The following SECTM1 variants were observed in gnomAD, a reference collection of about 807,000 sequenced individuals.
SECTM1 encodes secreted and transmembrane 1.
A neutral mutation model predicts 18.1 loss-of-function variants in SECTM1; 10 were observed. That is an observed-to-expected ratio of 0.55 (90% CI 0.34 to 0.94). SECTM1 has a LOEUF of 0.94. SECTM1 is among the 40% of genes least tolerant of loss of function. The probability of loss-of-function intolerance (pLI) is 0.02; values close to 1 mark genes in which losing one functional copy is unlikely to be tolerated. For missense variants in SECTM1, 297 were observed against 322.6 expected, an observed-to-expected ratio of 0.92 and a Z score of 0.61; for synonymous variants, 137 against 139.2, an observed-to-expected ratio of 0.98 and a Z score of 0.11.
chr17:82,324,214 C>A (rs534895833), intron 3 of SECTM1, among the ~76,000 whole-genome samples: 5 of 152,156 alleles, frequency 3.3e-5, no homozygotes, highest in Non-Finnish European at 7.4e-5. Flanking sequence ...GCCTGGGCTT[C>A]CTGGCTGCAG....
At chr17:82,333,141 T>A (rs563071956) in intron 1 of SECTM1, among the ~76,000 whole-genome samples, 22 of 152,296 alleles carry the variant, frequency 1.4e-4, no homozygotes, top group Admixed American at 9.1e-4. Context: ...TGTGCAACAG[T>A]CCACGCGTGC....
rs1286701011 is a variant in SECTM1, at chr17:82,324,664, G to T, written c.321C>A (p.Ala107=). 1 of 1,613,982 alleles carries T rather than the reference G, an allele frequency of 6.2e-7. No individual in the cohort carries two copies. Among genetic ancestry groups the T allele is most frequent in the South Asian group, 1.1e-5 (1 of 91,066 alleles). Residue 107 remains alanine, a synonymous_variant, in exon 3 of 5, where the codon GCC becomes GCA. Coordinates refer to ENST00000269389, the MANE Select transcript of SECTM1 (RefSeq NM_003004.3). ...TGTACAGCCCAGCATGGGAGTCCCG[G>T]GCGCCTTTGATCACCAGCTGTGCCA... is the stretch of plus-strand genomic sequence containing the variant. ...GGVAQLVIKG[A]RDSHAGLYMW...
At position 82,328,761 on chromosome 17, in the gene SECTM1, C is replaced by T. The variant is rs946830693; in HGVS notation, c.-52-1469G>A. On this transcript the variant is annotated intron_variant, in intron 1 of 4. Coordinates refer to ENST00000269389, the MANE Select transcript of SECTM1 (RefSeq NM_003004.3). This position sits in a 1 kb window ranked among gnomAD's most constrained non-coding sequence, Gnocchi z 5.8. ...GCCCTGGCAGGACACGCCTTTCAGC[C>T]GAGAGAACTCCACCTTCGAAGGCGG... is the stretch of plus-strand genomic sequence containing the variant. 2.0e-5 allele frequency among the ~76,000 whole-genome samples: 3 copies of T among 152,150 alleles called. No homozygotes were observed. The highest frequency in any genetic ancestry group is 4.8e-5 in the African/African-American group (2 of 41,420).
rs2052180541 is a variant in SECTM1 at position 82,330,197 on chromosome 17, G to A, written c.-52-2905C>T. On this transcript the variant is annotated intron_variant, in intron 1 of 4. Coordinates refer to ENST00000269389, the MANE Select transcript of SECTM1 (RefSeq NM_003004.3). The surrounding 1 kb of genome is among the most constrained non-coding windows in gnomAD (Gnocchi z 6.1). ...ATGGACAGCAGGGAGGGTCGGGGCTGCTGGGGGCTCCCCCACTGCTCTCCG... is the reference window on the plus strand; with the variant it reads ...ATGGACAGCAGGGAGGGTCGGGGCTACTGGGGGCTCCCCCACTGCTCTCCG... Among the ~76,000 whole-genome samples the A allele has an allele frequency of 1.3e-5, 2 of 152,178 alleles. No individual in the cohort carries two copies. The highest frequency in any genetic ancestry group is 2.9e-5 in the Non-Finnish European group (2 of 68,004).
chr17:82,328,910 C>T lies in SECTM1; in HGVS notation c.-52-1618G>A, dbSNP rs956701961. Among the ~76,000 whole-genome samples the T allele has an allele frequency of 1.3e-5, 2 of 152,230 alleles. No homozygotes were observed. Among genetic ancestry groups the T allele is most frequent in the South Asian group, 2.1e-4 (1 of 4,834 alleles). ...CTCCCAGCTCCCAGTGCAGCCCACA[C>T]GCCGGAGTGCAGATGACCTGCAGGG... On this transcript the variant is annotated intron_variant, in intron 1 of 4. Transcript: ENST00000269389. The surrounding 1 kb of genome is among the most constrained non-coding windows in gnomAD (Gnocchi z 5.8).
chr17:82,331,065 C>G (rs1198455103), intron 1 of SECTM1, among the ~76,000 whole-genome samples: 1 of 152,176 alleles, frequency 6.6e-6, no homozygotes, highest in Admixed American at 6.5e-5. Flanking sequence ...TGTTGGCGAC[C>G]CTGACCCTTG....
chr17:82,321,312 C>T lies in SECTM1; in HGVS notation c.*849G>A, dbSNP rs1418295221. ...TGGAGCTACTTGGAGGTTTGTGAGT[C>T]GGTTTGTTTTCTTCATTTCAGATAT... On this transcript the variant is annotated 3_prime_UTR_variant, in exon 5 of 5. Coordinates refer to ENST00000269389, the MANE Select transcript of SECTM1 (RefSeq NM_003004.3). 1 of 152,228 alleles carries T rather than the reference C, an allele frequency of 6.6e-6. No individual in the cohort carries two copies. Among genetic ancestry groups the T allele is most frequent in the Non-Finnish European group, 1.5e-5 (1 of 68,040 alleles). 9.4% of individuals were successfully genotyped at this position (152,228 alleles called of 1,614,324 possible). A position where few individuals can be genotyped will look rare whatever the true frequency, so the allele number is the denominator to read the frequency against.
chr17:82,329,036 G>A lies in SECTM1; in HGVS notation c.-52-1744C>T, dbSNP rs1028746420. Among the ~76,000 whole-genome samples, 2 of 152,212 alleles carry A rather than the reference G, an allele frequency of 1.3e-5. No individual in the cohort carries two copies. Among genetic ancestry groups the A allele is most frequent in the African/African-American group, 4.8e-5 (2 of 41,454 alleles). On this transcript the variant is annotated intron_variant, in intron 1 of 4. Transcript: ENST00000269389. This position sits in a 1 kb window ranked among gnomAD's most constrained non-coding sequence, Gnocchi z 7.6. ...GTTTCTCCAAACAAATAAACCACCA[G>A]AAAGTGTCACAGCAGGACACGTCAC... is the stretch of plus-strand genomic sequence containing the variant.
chr17:82,331,285 G>A (rs371345657), intron 1 of SECTM1, among the ~76,000 whole-genome samples: 1 of 152,178 alleles, frequency 6.6e-6, no homozygotes, highest in Non-Finnish European at 1.5e-5. Flanking sequence ...GGGGGAGACC[G>A]GGAGGAGAGC....
chr17:82,323,732 G>C (rs905295964), intron 3 of SECTM1, among the ~76,000 whole-genome samples: 8 of 152,082 alleles, frequency 5.3e-5, no homozygotes, highest in Admixed American at 1.3e-4. Context: ...GGTGACGGCT[G>C]TGGGCCCTGA....
At chr17:82,332,640 C>T (rs555349357) in intron 1 of SECTM1, among the ~76,000 whole-genome samples, 2 of 152,328 alleles carry the variant, frequency 1.3e-5, no homozygotes, top group African/African-American at 4.8e-5. Flanking sequence ...TGGACCCCAC[C>T]CAGGCCCACG....
rs1361394150 is a variant in SECTM1 at position 82,330,645 on chromosome 17, C to T, written c.-53+3055G>A. Reference sequence around the variant, plus strand: ...CCCCTCCACCCTGAGTGTCCCAAGTCTGCCCGCTGTGCATTCCATGGGGCC... The same window carrying T: ...CCCCTCCACCCTGAGTGTCCCAAGTTTGCCCGCTGTGCATTCCATGGGGCC... On this transcript the variant is annotated intron_variant, in intron 1 of 4. Coordinates refer to ENST00000269389, the MANE Select transcript of SECTM1 (RefSeq NM_003004.3). The surrounding 1 kb of genome is among the most constrained non-coding windows in gnomAD (Gnocchi z 6.1). Among the ~76,000 whole-genome samples, 1 of 152,078 alleles carries T rather than the reference C, an allele frequency of 6.6e-6. No individual in the cohort carries two copies. Among genetic ancestry groups the T allele is most frequent in the Admixed American group, 6.5e-5 (1 of 15,268 alleles).
intron 1 of SECTM1, among the ~76,000 whole-genome samples, chr17:82,333,141 T>TC (rs1319236695): frequency 6.6e-6 from 1 of 152,178 alleles, no homozygotes; most frequent in African/African-American, 2.4e-5. Flanking sequence ...TGTGCAACAG[T>TC]CCACGCGTGC....
rs1040285985 is a variant in SECTM1 at position 82,329,834 on chromosome 17, T to C, written c.-52-2542A>G. On this transcript the variant is annotated intron_variant, in intron 1 of 4. Transcript: ENST00000269389. The surrounding 1 kb of genome is among the most constrained non-coding windows in gnomAD (Gnocchi z 7.6). Reference sequence around the variant, plus strand: ...CCCCCAGCTGCTTCCCTCATCTCCCTGACTCCCCCTCCTCTCTCCCTCTCC... The same window carrying C: ...CCCCCAGCTGCTTCCCTCATCTCCCCGACTCCCCCTCCTCTCTCCCTCTCC... Among the ~76,000 whole-genome samples the C allele has an allele frequency of 4.6e-5, 7 of 151,870 alleles. No individual in the cohort carries two copies. The highest frequency in any genetic ancestry group is 1.2e-4 in the African/African-American group (5 of 41,344).
In SECTM1 at chr17:82,322,932, G is replaced by A. The variant is rs148449694; in HGVS notation, c.483C>T (p.Val161=). ...TGTACCAGGCGAACATGACCAGAGC[G>A]ACCAAGAGGATGAAGACAGCAGTGA... ...AVVTAVFILL[V]ALVMFAWYRC... is the part of the protein sequence containing the mutation. The change falls in exon 4 of 5, where the codon GTC becomes GTT. Residue 161 remains valine, a synonymous_variant. Transcript: ENST00000269389. The A allele has an allele frequency of 5.0e-5, 80 of 1,613,788 alleles. No individual in the cohort carries two copies. The highest frequency in any genetic ancestry group is 6.7e-5 in the East Asian group (3 of 44,892).
intron 1 of SECTM1, among the ~76,000 whole-genome samples, chr17:82,332,599 C>T (rs928855692): frequency 4.6e-5 from 7 of 152,206 alleles, no homozygotes; most frequent in Admixed American, 2.6e-4. Flanking sequence ...ACCAACACCT[C>T]TCAGAAGACA....
At chr17:82,323,564 T>G (rs1196693114) in intron 3 of SECTM1, among the ~76,000 whole-genome samples, 178 of 105,066 alleles carry the variant, frequency 1.7e-3, no homozygotes, top group African/African-American at 2.2e-3. Flanking sequence ...GGGTGGGGAG[T>G]GGGTTTGGTG....
At position 82,325,798 on chromosome 17, in the gene SECTM1, G is replaced by T. The variant is rs2052140491; in HGVS notation, c.95-908C>A. 6.6e-6 allele frequency among the ~76,000 whole-genome samples: 1 copy of T among 152,228 alleles called. No homozygotes were observed. Among genetic ancestry groups the T allele is most frequent in the Non-Finnish European group, 1.5e-5 (1 of 68,038 alleles). Reference sequence around the variant, plus strand: ...CTGCGTCAGCGTCCACCAGTGACTGGACACGGACGGATGGACGGACAGACG... The same window carrying T: ...CTGCGTCAGCGTCCACCAGTGACTGTACACGGACGGATGGACGGACAGACG... On this transcript the variant is annotated intron_variant, in intron 2 of 4. Transcript: ENST00000269389. The surrounding 1 kb of genome is among the most constrained non-coding windows in gnomAD (Gnocchi z 7.6).
At position 82,326,524 on chromosome 17, in the gene SECTM1, A is replaced by C. The variant is rs1156775259; in HGVS notation, c.94+623T>G. On this transcript the variant is annotated intron_variant, in intron 2 of 4. Transcript: ENST00000269389. The surrounding 1 kb of genome is among the most constrained non-coding windows in gnomAD (Gnocchi z 4.3). ...TGAGGTGGGAGGATCACCTGAGCCC[A>C]GGAGGTCGAGGCTGCGGTGAGCTGT... Among the ~76,000 whole-genome samples, 1 of 152,104 alleles carries C rather than the reference A, an allele frequency of 6.6e-6. No homozygotes were observed. Among genetic ancestry groups the C allele is most frequent in the Non-Finnish European group, 1.5e-5 (1 of 67,992 alleles).
Sources: allele counts gnomAD v4.1 joint callset (sites outside exome capture counted in the v4.1 genomes callset), GRCh38; gene constraint gnomAD v4.1.1; non-coding constraint Gnocchi (gnomAD v3.1); transcripts MANE v1.5; gene names NCBI Gene and HGNC (gene_info 2026-07-23, HGNC 2026-07-21).